The following CDH23 variants were observed in gnomAD, a reference collection of about 807,000 sequenced individuals.
The protein encoded by CDH23 is cadherin-23.
In CDH23, 189 loss-of-function variants were observed where a neutral mutation model predicts 317.1. The observed-to-expected ratio is 0.60, with a 90% confidence interval of 0.53 to 0.67. The LOEUF (loss-of-function observed/expected upper bound fraction) is 0.67, where lower values mean the gene tolerates loss of function less well. CDH23 is among the 30% of genes least tolerant of loss of function. CDH23 has a pLI of 0.00. For missense variants in CDH23, 4,401 were observed against 4,592.4 expected (o/e 0.96, Z 1.20); for synonymous variants, 1,839 against 1,876.8 (o/e 0.98, Z 0.52).
chr10:71,504,428 A>G (rs1422757821), intron 3 of CDH23, among the ~76,000 whole-genome samples: 4 of 152,250 alleles, frequency 2.6e-5, no homozygotes, highest in African/African-American at 7.2e-5. Flanking sequence ...CATTGGCTGT[A>G]TCTACCACAT....
intron 12 of CDH23, among the ~76,000 whole-genome samples, chr10:71,644,266 G>A (rs1398164455): frequency 6.6e-6 from 1 of 152,244 alleles, no homozygotes; most frequent in African/African-American, 2.4e-5. Flanking sequence ...AGAGGGCTTA[G>A]GGAGCTCAGC....
intron 6 of CDH23, among the ~76,000 whole-genome samples, chr10:71,523,285 T>G (rs377583008): frequency 1.6e-4 from 25 of 152,302 alleles, no homozygotes; most frequent in African/African-American, 1.2e-4. Flanking sequence ...AACTGATTGT[T>G]TTTTCCTTTC....
intron 1 of CDH23, among the ~76,000 whole-genome samples, chr10:71,429,488 C>G (rs949445686): frequency 2.0e-5 from 3 of 152,182 alleles, no homozygotes; most frequent in African/African-American, 7.2e-5. Context: ...ACACATCATT[C>G]TTCTGAAGAG....
intron 38 of CDH23, among the ~76,000 whole-genome samples, chr10:71,768,560 C>T (rs532230344): frequency 1.5e-3 from 234 of 152,218 alleles, no homozygotes; most frequent in African/African-American, 5.3e-3. Flanking sequence ...ACTGTAACCT[C>T]GAACTCATGG....
At position 71,751,414 on chromosome 10, in the gene CDH23, C is replaced by T. The variant is rs1839998762; in HGVS notation, c.4845+9493C>T. On this transcript the variant is annotated intron_variant, in intron 38 of 69. Coordinates refer to ENST00000224721, the MANE Select transcript of CDH23 (RefSeq NM_022124.6). This position sits in a 1 kb window ranked among gnomAD's most constrained non-coding sequence, Gnocchi z 4.9. Reference sequence around the variant, plus strand: ...GGCCCCTCTGTCCCTCACCCTCAACCCCACCCCGTGAGGCCGTGGAACTCT... The same window carrying T: ...GGCCCCTCTGTCCCTCACCCTCAACTCCACCCCGTGAGGCCGTGGAACTCT... 8.5e-6 allele frequency: 4 copies of T among 472,388 alleles called. No individual in the cohort carries two copies. The highest frequency in any genetic ancestry group is 1.5e-5 in the Non-Finnish European group (4 of 264,986). The allele number at this position is 472,388 out of a possible 1,614,324, so 29.3% of individuals were successfully genotyped here. A position where few individuals can be genotyped will look rare whatever the true frequency, so the allele number is the denominator to read the frequency against.
chr10:71,798,705 C>A, intron 50 of CDH23, 127 bp downstream of exon 50: 1 of 754,530 alleles, frequency 1.3e-6, no homozygotes, highest in Non-Finnish European at 2.1e-6. Context: ...GGCCAGCATT[C>A]CATGCCAGAT....
intron 50 of CDH23, among the ~76,000 whole-genome samples, chr10:71,798,888 A>G (rs1204608393): frequency 6.6e-6 from 1 of 152,098 alleles, no homozygotes; most frequent in African/African-American, 2.4e-5. Flanking sequence ...GGGCTAGTTG[A>G]TGCTCATTCC....
intron 11 of CDH23, among the ~76,000 whole-genome samples, chr10:71,637,896 C>A (rs1383258455): frequency 6.6e-6 from 1 of 151,264 alleles, no homozygotes; most frequent in Non-Finnish European, 1.5e-5. Context: ...CCTGAGGCCA[C>A]CCTGCCTTCA....
intron 11 of CDH23, among the ~76,000 whole-genome samples, chr10:71,622,456 G>A (rs1048659242): frequency 1.3e-5 from 2 of 152,032 alleles, no homozygotes; most frequent in Admixed American, 6.6e-5. Context: ...CCACTTAGGC[G>A]CCAGTGGATT....
rs374571664 is a variant in CDH23, at chr10:71,617,322, G to A, written c.1063G>A (p.Val355Met). ...APEFNSSEYS[V>M]AITELAQVGF... ...GGAGTTCAACAGCTCCGAGTACAGC[G>A]TGGCCATCACTGAGCTGGCACAGGT... Residue 355 changes from valine to methionine, a missense_variant, in exon 11 of 70, where the codon GTG becomes ATG. Physicochemically the swap from Val to Met is conservative, Grantham distance 21. Coordinates refer to ENST00000224721, the MANE Select transcript of CDH23 (RefSeq NM_022124.6). The A allele has an allele frequency of 3.0e-5, 48 of 1,613,954 alleles. No individual in the cohort carries two copies. Among genetic ancestry groups the A allele is most frequent in the Admixed American group, 1.0e-4 (6 of 60,024 alleles).
intron 27 of CDH23, 150 bp from the exon 28 acceptor site, chr10:71,712,515 C>A (rs542115900): frequency 5.5e-6 from 4 of 726,188 alleles, no homozygotes; most frequent in African/African-American, 1.8e-5. Context: ...TATTCCTAAG[C>A]TAAAAAGGAA....
chr10:71,592,604 C>T (rs900759634), intron 9 of CDH23, among the ~76,000 whole-genome samples: 1 of 152,160 alleles, frequency 6.6e-6, no homozygotes, highest in African/African-American at 2.4e-5. Flanking sequence ...AGTCAAATTT[C>T]CCCCTGCCTC....
At chr10:71,690,399 G>C (rs1230862233) in intron 19 of CDH23, 69 bp from the exon 20 acceptor site, 2 of 1,183,342 alleles carry the variant, frequency 1.7e-6, no homozygotes, top group Admixed American at 2.1e-5. Context: ...CTGCTCCCAG[G>C]GCTGGGGCCT....
intron 9 of CDH23, among the ~76,000 whole-genome samples, chr10:71,605,117 G>A (rs541703412): frequency 1.4e-4 from 21 of 152,246 alleles, no homozygotes; most frequent in African/African-American, 3.9e-4. Flanking sequence ...TATGAATAAC[G>A]TAAAATTTAC....
intron 3 of CDH23, among the ~76,000 whole-genome samples, chr10:71,506,430 A>G (rs2039861): frequency 0.73 from 111,304 of 152,204 alleles, 42,036 homozygotes; most frequent in African/African-American, 0.92. Context: ...GGAACTCCAG[A>G]TATCCTTCAG....
intron 1 of CDH23, among the ~76,000 whole-genome samples, chr10:71,398,265 T>A (rs977914003): frequency 6.6e-6 from 1 of 152,196 alleles, no homozygotes; most frequent in African/African-American, 2.4e-5. Context: ...TCGGTAGTAA[T>A]ACTCCCCCAT....
At chr10:71,637,214 A>T (rs1221032986) in intron 11 of CDH23, among the ~76,000 whole-genome samples, 1 of 152,184 alleles carries the variant, frequency 6.6e-6, no homozygotes, top group Non-Finnish European at 1.5e-5. Context: ...AGACCAACAG[A>T]AAGTACAGCC....
chr10:71,461,520 C>T (rs779169269), intron 3 of CDH23, among the ~76,000 whole-genome samples: 1 of 152,230 alleles, frequency 6.6e-6, no homozygotes, highest in Non-Finnish European at 1.5e-5. Context: ...GTCTGGAGAA[C>T]AGCGCCAGGG....
intron 6 of CDH23, among the ~76,000 whole-genome samples, chr10:71,557,554 G>A (rs893489964): frequency 6.6e-6 from 1 of 152,132 alleles, no homozygotes; most frequent in African/African-American, 2.4e-5. Flanking sequence ...ACAGTTTCTT[G>A]AAGTACACTC....
Sources: allele counts gnomAD v4.1 joint callset (sites outside exome capture counted in the v4.1 genomes callset), GRCh38; gene constraint gnomAD v4.1.1; non-coding constraint Gnocchi (gnomAD v3.1); transcripts MANE v1.5; gene names NCBI Gene and HGNC (gene_info 2026-07-23, HGNC 2026-07-21).